TRAF7: variants seen among roughly 807,000 people sequenced by gnomAD.
The protein encoded by TRAF7 is E3 ubiquitin-protein ligase TRAF7.
TRAF7 carries 45 observed loss-of-function variants against 89.3 expected under a neutral mutation model. The ratio of observed to expected loss-of-function variants is 0.50; its 90% CI spans 0.40 to 0.65. The LOEUF (loss-of-function observed/expected upper bound fraction) is 0.65, where lower values mean the gene tolerates loss of function less well. TRAF7 is among the 30% of genes least tolerant of loss of function. The pLI, the probability that TRAF7 is intolerant of heterozygous loss-of-function variation, is 0.00. For synonymous variants in TRAF7, 406 were observed against 369.2 expected, an observed-to-expected ratio of 1.10 and a Z score of -1.14; for missense variants, 677 against 918.1, an observed-to-expected ratio of 0.74 and a Z score of 3.39.
intron 14 of TRAF7, 37 bp downstream of exon 14, chr16:2,174,370 G>A: frequency 6.2e-7 from 1 of 1,602,128 alleles, no homozygotes; most frequent in Non-Finnish European, 8.5e-7. Context: ...TGATTCCCAG[G>A]ACAGGAGACG....
At position 2,176,716 on chromosome 16, in the gene TRAF7, C is replaced by T; in HGVS notation, c.*142C>T. 3 of 1,247,134 alleles carry T rather than the reference C, an allele frequency of 2.4e-6. No individual in the cohort carries two copies. Among genetic ancestry groups the T allele is most frequent in the Non-Finnish European group, 3.4e-6 (3 of 872,738 alleles). 77.3% of individuals were successfully genotyped at this position (1,247,134 alleles called of 1,614,324 possible). ...GCTCTGGCAGCCGGGCAGTGCCCTC[C>T]CCGTCCCATGCTCGGCGAGCCTCCC... On this transcript the variant is annotated 3_prime_UTR_variant, in exon 21 of 21. Coordinates refer to ENST00000326181, the MANE Select transcript of TRAF7 (RefSeq NM_032271.3).
chr16:2,171,705 C>T lies in TRAF7; in HGVS notation c.475+100C>T, dbSNP rs949442227. On this transcript the variant is annotated intron_variant, in intron 7 of 20. Coordinates refer to ENST00000326181, the MANE Select transcript of TRAF7 (RefSeq NM_032271.3). Reference sequence around the variant, plus strand: ...CTTGTCCCCTGCACAGCGTCCGGCCCTGTTTGGCCTCTGCTGGGGTTGGGA... The same window carrying T: ...CTTGTCCCCTGCACAGCGTCCGGCCTTGTTTGGCCTCTGCTGGGGTTGGGA... 6 of 1,571,418 alleles carry T rather than the reference C, an allele frequency of 3.8e-6. No homozygotes were observed. In the African/African-American group the frequency reaches 8.1e-5, roughly 21 times the overall value.
In TRAF7 at chr16:2,158,976, C is replaced by T. The variant is rs1260566875; in HGVS notation, c.-39+3118C>T. Among the ~76,000 whole-genome samples the T allele has an allele frequency of 6.6e-6, 1 of 152,182 alleles. No homozygotes were observed. The highest frequency in any genetic ancestry group is 1.5e-5 in the Non-Finnish European group (1 of 68,026). On this transcript the variant is annotated intron_variant, in intron 1 of 20. Coordinates refer to ENST00000326181, the MANE Select transcript of TRAF7 (RefSeq NM_032271.3). This position sits in a 1 kb window ranked among gnomAD's most constrained non-coding sequence, Gnocchi z 4.7. The stretch of plus-strand genomic sequence containing the variant: ...ATCCTCCAGGAAGCCCTCTGGACTT[C>T]CCCTCGACTGGGCCAGGTCCCCACA...
Position 2,176,304 on chromosome 16 carries a change from C to T in TRAF7, c.1918C>T (p.Leu640=). 1 of 1,603,780 alleles carries T rather than the reference C, an allele frequency of 6.2e-7. No homozygotes were observed. ...CAACATGATCTGCACGCAGACCCTG[C>T]TGCGTCACCAGGGCAGTGTCACCGC... ...MDNMICTQTL[L]RHQGSVTALA... is the part of the protein sequence containing the mutation. Residue 640 remains leucine, a synonymous_variant, in exon 20 of 21, where the codon CTG becomes TTG. Transcript: ENST00000326181.
At position 2,163,007 on chromosome 16, in the gene TRAF7, C is replaced by A. The variant is rs1222968007; in HGVS notation, c.-38-876C>A. Among the ~76,000 whole-genome samples, 1 of 151,138 alleles carries A rather than the reference C, an allele frequency of 6.6e-6. No homozygotes were observed. The highest frequency in any genetic ancestry group is 2.4e-5 in the African/African-American group (1 of 41,434). On this transcript the variant is annotated intron_variant, in intron 1 of 20. Coordinates refer to ENST00000326181, the MANE Select transcript of TRAF7 (RefSeq NM_032271.3). This position sits in a 1 kb window ranked among gnomAD's most constrained non-coding sequence, Gnocchi z 4.3. The stretch of plus-strand genomic sequence containing the variant: ...TGGGCGTCATCCAGCATGGACAGCC[C>A]CTTCCCCGGGCTCTGTCCTGGGTGT...
Position 2,163,533 on chromosome 16 carries a change from C to G in TRAF7, c.-38-350C>G, listed in dbSNP as rs569055835. The G allele has an allele frequency of 1.6e-5, 4 of 257,938 alleles. No individual in the cohort carries two copies. The East Asian group carries it at 3.5e-4, about 22-fold the overall frequency. 16.0% of individuals were successfully genotyped at this position (257,938 alleles called of 1,614,324 possible). A position where few individuals can be genotyped will look rare whatever the true frequency, so the allele number is the denominator to read the frequency against. ...GCCCAGCCTTGGCCCCAGGGACATT[C>G]AGCCTGGAGGTGACTGGCTGTGACT... On this transcript the variant is annotated intron_variant, in intron 1 of 20. Coordinates refer to ENST00000326181, the MANE Select transcript of TRAF7 (RefSeq NM_032271.3). The surrounding 1 kb of genome is among the most constrained non-coding windows in gnomAD (Gnocchi z 4.3).
chr16:2,168,239 T>A lies in TRAF7; in HGVS notation c.231+71T>A, dbSNP rs570011313. 4 of 1,357,576 alleles carry A rather than the reference T, an allele frequency of 2.9e-6. No individual in the cohort carries two copies. The highest frequency in any genetic ancestry group is 4.1e-6 in the Non-Finnish European group (4 of 983,752). 84.1% of individuals were successfully genotyped at this position (1,357,576 alleles called of 1,614,324 possible). A position where few individuals can be genotyped will look rare whatever the true frequency, so the allele number is the denominator to read the frequency against. On this transcript the variant is annotated intron_variant, in intron 4 of 20. Transcript: ENST00000326181. The surrounding 1 kb of genome is among the most constrained non-coding windows in gnomAD (Gnocchi z 4.1). ...CATCCTCCCTCCTGGGGGAACCAGG[T>A]CCCAGGAGGAGTTGACAGTGAGCTG...
chr16:2,173,857 G>GCGGGGGGGC, intron 12 of TRAF7, 21 bp downstream of exon 12: 3 of 1,607,476 alleles, frequency 1.9e-6, no homozygotes, highest in Non-Finnish European at 2.5e-6. Context: ...ACCCGCCGTG[G>GCGGGGGGGC]CTCCCGCCCA....
At position 2,175,530 on chromosome 16, in the gene TRAF7, T is replaced by A. The variant is rs775314658; in HGVS notation, c.1534T>A (p.Leu512Met). 1.7e-5 allele frequency: 28 copies of A among 1,613,214 alleles called. No homozygotes were observed. The East Asian group carries it at 6.0e-4, about 35-fold the overall frequency. Residue 512 changes from leucine to methionine, a missense_variant, in exon 17 of 21, where the codon TTG becomes ATG. Leu to Met is a conservative substitution (Grantham distance 15). Coordinates refer to ENST00000326181, the MANE Select transcript of TRAF7 (RefSeq NM_032271.3). ...VWDIVGTELK[L>M]KKELTGLNHW... ...GGACATCGTGGGCACTGAGCTGAAG[T>A]TGAAGAAGGAGCTCACAGGCCTCAA... is the stretch of plus-strand genomic sequence containing the variant.
At position 2,164,264 on chromosome 16, in the gene TRAF7, G is replaced by A. The variant is rs565228676; in HGVS notation, c.81+263G>A. ...GTTAAGCGTGTGAGTGCTGCGTGGC[G>A]CGGCCTGGTCGCATGGTTAAGCGTG... is the stretch of plus-strand genomic sequence containing the variant. On this transcript the variant is annotated intron_variant, in intron 2 of 20. Coordinates refer to ENST00000326181, the MANE Select transcript of TRAF7 (RefSeq NM_032271.3). 2.9e-4 allele frequency among the ~76,000 whole-genome samples: 38 copies of A among 129,880 alleles called. No homozygotes were observed. The East Asian group carries it at 4.5e-3, about 15-fold the overall frequency. The allele number at this position is 129,880 out of a possible 152,430, so 85.2% of individuals were successfully genotyped here.
chr16:2,165,653 G>A (rs977136626), intron 2 of TRAF7, among the ~76,000 whole-genome samples: 8 of 146,558 alleles, frequency 5.5e-5, no homozygotes, highest in South Asian at 4.3e-4. Flanking sequence ...TGAGTGCTGC[G>A]TGGCCTGGCC....
At chr16:2,175,041 G>A in intron 14 of TRAF7, 70 bp from the exon 15 acceptor site, 1 of 1,601,832 alleles carries the variant, frequency 6.2e-7, no homozygotes, top group South Asian at 1.1e-5. Context: ...ATGGACCTCG[G>A]GCCCTGCCAG....
Position 2,161,399 on chromosome 16 carries a change from C to A in TRAF7, c.-38-2484C>A, listed in dbSNP as rs2093057971. On this transcript the variant is annotated intron_variant, in intron 1 of 20. Transcript: ENST00000326181. This position sits in a 1 kb window ranked among gnomAD's most constrained non-coding sequence, Gnocchi z 5.2. ...ATTGCCCTGCGTGCCTTTCTGTTCA[C>A]CTCACTTCAGAGTGAGGGGGAAGCC... Among the ~76,000 whole-genome samples the A allele has an allele frequency of 1.3e-5, 2 of 152,088 alleles. No individual in the cohort carries two copies. The highest frequency in any genetic ancestry group is 2.4e-5 in the African/African-American group (1 of 41,420).
Position 2,175,854 on chromosome 16 carries a change from T to G in TRAF7, c.1647T>G (p.Leu549=), listed in dbSNP as rs2141296998. 1 of 1,613,518 alleles carries G rather than the reference T, an allele frequency of 6.2e-7. No homozygotes were observed. Among genetic ancestry groups the G allele is most frequent in the Non-Finnish European group, 8.5e-7 (1 of 1,179,958 alleles). ...QTIKIWDIRT[L]DCIHVLQTSG... ...CATAGATCTGGGACATCCGAACCCT[T>G]GACTGCATCCACGTCCTGCAGACGT... The change falls in exon 18 of 21, where the codon CTT becomes CTG. Residue 549 remains leucine, a synonymous_variant. Coordinates refer to ENST00000326181, the MANE Select transcript of TRAF7 (RefSeq NM_032271.3).
In TRAF7 at chr16:2,172,431, G is replaced by T. The variant is rs764764982; in HGVS notation, c.660-34G>T. 1.6e-5 allele frequency: 25 copies of T among 1,610,592 alleles called. No homozygotes were observed. In the East Asian group the frequency reaches 5.6e-4, roughly 36 times the overall value. On this transcript the variant is annotated intron_variant, in intron 8 of 20. Coordinates refer to ENST00000326181, the MANE Select transcript of TRAF7 (RefSeq NM_032271.3). ...CCTGGGGGCTGCTTCTCAGGGCTCTGGCTGAGGCCTCCCCGCATCCCGCCC... is the reference window on the plus strand; with the variant it reads ...CCTGGGGGCTGCTTCTCAGGGCTCTTGCTGAGGCCTCCCCGCATCCCGCCC...
At position 2,174,311 on chromosome 16, in the gene TRAF7, G is replaced by A. The variant is rs2093126475; in HGVS notation, c.1324G>A (p.Val442Met). ...QKTLEGHDGI[V>M]LALCIQGCKL... ...GACACTGGAGGGCCATGATGGCATCGTGCTGGCTCTCTGCATCCAGGGGTG... is the reference window on the plus strand; with the variant it reads ...GACACTGGAGGGCCATGATGGCATCATGCTGGCTCTCTGCATCCAGGGGTG... The change falls in exon 14 of 21, where the codon GTG becomes ATG. Residue 442 changes from valine to methionine, a missense_variant. By Grantham distance (21) the Val-to-Met change is conservative. This residue lies in a region of TRAF7 where 160 missense variants were observed against 263.7 expected (regional missense o/e 0.61). Coordinates refer to ENST00000326181, the MANE Select transcript of TRAF7 (RefSeq NM_032271.3). The A allele has an allele frequency of 6.2e-7, 1 of 1,613,174 alleles. No homozygotes were observed. The highest frequency in any genetic ancestry group is 8.5e-7 in the Non-Finnish European group (1 of 1,179,966).
Position 2,177,988 on chromosome 16 carries a change from C to T in TRAF7, c.*1414C>T, listed in dbSNP as rs138680218. 2.5e-6 allele frequency: 1 copy of T among 392,210 alleles called. No homozygotes were observed. Among genetic ancestry groups the T allele is most frequent in the Non-Finnish European group, 4.8e-6 (1 of 208,480 alleles). The allele number at this position is 392,210 out of a possible 1,614,324, so 24.3% of individuals were successfully genotyped here. A position where few individuals can be genotyped will look rare whatever the true frequency, so the allele number is the denominator to read the frequency against. On this transcript the variant is annotated 3_prime_UTR_variant, in exon 21 of 21. Coordinates refer to ENST00000326181, the MANE Select transcript of TRAF7 (RefSeq NM_032271.3). ...TTTTGTCCGGAGCTAGACTTCGTGT[C>T]CTTTCAGTTGGTAAATGGTTTTCTA...
At chr16:2,157,596 T>A (rs572914366) in intron 1 of TRAF7, among the ~76,000 whole-genome samples, 38 of 152,116 alleles carry the variant, frequency 2.5e-4, no homozygotes, top group Non-Finnish European at 1.3e-4. Flanking sequence ...CCCTCCCGCA[T>A]GGGGCCTGGC....
At chr16:2,156,065 C>T (rs1007684348) in intron 1 of TRAF7, among the ~76,000 whole-genome samples, 1 of 152,220 alleles carries the variant, frequency 6.6e-6, no homozygotes, top group East Asian at 1.9e-4. Context: ...AGTAGTCCGT[C>T]CCTCGCTCCG....
Sources: allele counts gnomAD v4.1 joint callset (sites outside exome capture counted in the v4.1 genomes callset), GRCh38; gene constraint gnomAD v4.1.1; regional missense constraint gnomAD v4.1.1; non-coding constraint Gnocchi (gnomAD v3.1); transcripts MANE v1.5; gene names NCBI Gene and HGNC (gene_info 2026-07-23, HGNC 2026-07-21).